SPAG1: variants seen among roughly 807,000 people sequenced by gnomAD.
The protein encoded by SPAG1 is sperm-associated antigen 1.
Under a neutral mutation model 100.5 loss-of-function variants are expected in SPAG1, and 69 were observed. That is an observed-to-expected ratio of 0.69 (90% CI 0.57 to 0.84). SPAG1 has a LOEUF of 0.84. SPAG1 is among the 40% of genes least tolerant of loss of function. The pLI, the probability that SPAG1 is intolerant of heterozygous loss-of-function variation, is 0.00. For missense variants in SPAG1, 955 were observed against 1,133.1 expected (o/e 0.84, Z 2.26); for synonymous variants, 336 against 411.6 (o/e 0.82, Z 2.22).
In SPAG1 at chr8:100,211,658, A is replaced by C. The variant is rs532279878; in HGVS notation, c.1097-1432A>C. Among the ~76,000 whole-genome samples the C allele has an allele frequency of 1.6e-4, 25 of 152,372 alleles. No individual in the cohort carries two copies. The Middle Eastern group carries it at 0.01, about 62-fold the overall frequency. ...GGCAATAGAGCAAGACCCTGTGTCA[A>C]AATAAATACAAACAAATAATAAAAA... On this transcript the variant is annotated intron_variant, in intron 10 of 18. Transcript: ENST00000388798.
intron 10 of SPAG1, among the ~76,000 whole-genome samples, chr8:100,209,768 C>T (rs1340999911): frequency 6.6e-6 from 1 of 151,650 alleles, no homozygotes; most frequent in Admixed American, 6.6e-5. Context: ...ATAATTGTTT[C>T]CTTGATTTCC....
At chr8:100,222,312 C>G (rs886447807) in intron 13 of SPAG1, among the ~76,000 whole-genome samples, 2 of 152,270 alleles carry the variant, frequency 1.3e-5, no homozygotes, top group Admixed American at 1.3e-4. Flanking sequence ...ATTGTTTTCA[C>G]GTTTGCTGTC....
chr8:100,233,175 G>A, intron 15 of SPAG1: 1 of 423,950 alleles, frequency 2.4e-6, no homozygotes, highest in Non-Finnish European at 4.4e-6. Flanking sequence ...GTGTTTGCTT[G>A]TTTTAATGGT....
At chr8:100,171,134 G>A (rs1489389146) in intron 3 of SPAG1, among the ~76,000 whole-genome samples, 4 of 152,066 alleles carry the variant, frequency 2.6e-5, no homozygotes, top group African/African-American at 9.7e-5. Context: ...CTGTTAATAA[G>A]GTAAATTATG....
intron 16 of SPAG1, among the ~76,000 whole-genome samples, chr8:100,235,122 G>C (rs898700629): frequency 2.6e-5 from 4 of 152,114 alleles, no homozygotes; most frequent in Admixed American, 6.5e-5. Flanking sequence ...TGTTAATAGG[G>C]GTGGTCTCTT....
At chr8:100,194,618 G>A (rs1586453546) in intron 10 of SPAG1, 1 of 417,960 alleles carries the variant, frequency 2.4e-6, no homozygotes, top group Non-Finnish European at 4.2e-6. Context: ...GCAAACAAAT[G>A]TGTTGGTTTC....
At position 100,177,086 on chromosome 8, in the gene SPAG1, TATC is replaced by T. The variant is rs1385459685; in HGVS notation, c.301-727_301-725del. ...CAAGCAATTCAGCTTTTTCTTGTAA[TATC>T]ATGTGTTCTCTCTGCTTCTTGGGAG... is the stretch of plus-strand genomic sequence containing the variant. On this transcript the variant is annotated intron_variant, in intron 3 of 18. Transcript: ENST00000388798. Among the ~76,000 whole-genome samples, 3 of 152,160 alleles carry T rather than the reference TATC, an allele frequency of 2.0e-5. No homozygotes were observed. The East Asian group carries it at 5.8e-4, about 29-fold the overall frequency.
Position 100,196,431 on chromosome 8 carries a change from G to A in SPAG1, c.1096+2163G>A, listed in dbSNP as rs118022028. Among the ~76,000 whole-genome samples the A allele has an allele frequency of 4.2e-3, 634 of 152,064 alleles. 7 individuals are homozygous for A. Among genetic ancestry groups the A allele is most frequent in the Non-Finnish European group, 4.8e-3 (325 of 67,972 alleles). ...TTACCCATTCTATTAGGTGTATAGT[G>A]GTTTCTCATCAGTTTTAATTTGCAT... is the stretch of plus-strand genomic sequence containing the variant. On this transcript the variant is annotated intron_variant, in intron 10 of 18. Transcript: ENST00000388798.
rs112903593 is a variant in SPAG1 at position 100,191,027 on chromosome 8, C to T, written c.833-363C>T. Among the ~76,000 whole-genome samples the T allele has an allele frequency of 2.0e-5, 3 of 152,036 alleles. 1 individual carries two copies. Among genetic ancestry groups the T allele is most frequent in the African/African-American group, 7.2e-5 (3 of 41,460 alleles). ...TTTCAAAAAGTGGCTAAATAATACT[C>T]GCCATAATTATAAAAAGGAAAGGAT... On this transcript the variant is annotated intron_variant, in intron 8 of 18. Transcript: ENST00000388798.
At chr8:100,161,910 G>A (rs1245802184) in intron 1 of SPAG1, among the ~76,000 whole-genome samples, 3 of 152,242 alleles carry the variant, frequency 2.0e-5, no homozygotes, top group African/African-American at 7.2e-5. Context: ...AGTTGGTCTG[G>A]TGATAATTTC....
chr8:100,178,559 T>C (rs375028964), intron 4 of SPAG1, among the ~76,000 whole-genome samples: 86 of 152,266 alleles, frequency 5.6e-4, no homozygotes, highest in African/African-American at 2.0e-3. Flanking sequence ...CTGGCATCCA[T>C]CTGACCTTGT....
chr8:100,161,072 G>A (rs1459680800), intron 1 of SPAG1, among the ~76,000 whole-genome samples: 1 of 152,156 alleles, frequency 6.6e-6, no homozygotes, highest in Non-Finnish European at 1.5e-5. Flanking sequence ...GGGCGTGATG[G>A]CTCACACCTG....
chr8:100,185,625 TAAC>T (rs1563781078), intron 7 of SPAG1, among the ~76,000 whole-genome samples: 1 of 152,236 alleles, frequency 6.6e-6, no homozygotes, highest in Non-Finnish European at 1.5e-5. Flanking sequence ...CTGAAGTTCT[TAAC>T]AGCCTATGAA....
At chr8:100,167,685 G>A (rs916720333) in intron 3 of SPAG1, among the ~76,000 whole-genome samples, 11 of 152,068 alleles carry the variant, frequency 7.2e-5, no homozygotes, top group African/African-American at 2.7e-4. Context: ...CTTTTAATCA[G>A]CTTTATTGAG....
intron 1 of SPAG1, among the ~76,000 whole-genome samples, chr8:100,160,454 C>T (rs927837811): frequency 1.3e-5 from 2 of 152,066 alleles, no homozygotes; most frequent in Admixed American, 1.3e-4. Flanking sequence ...TGGTGAAACC[C>T]CATCTCTACT....
intron 16 of SPAG1, among the ~76,000 whole-genome samples, chr8:100,235,611 G>A (rs1306002208): frequency 6.6e-6 from 1 of 152,094 alleles, no homozygotes; most frequent in Non-Finnish European, 1.5e-5. Context: ...TGACTGAAAG[G>A]GAACTATCTA....
At chr8:100,185,016 T>C (rs1387992178) in intron 7 of SPAG1, 4 of 291,312 alleles carry the variant, frequency 1.4e-5, no homozygotes, top group South Asian at 3.8e-5. Flanking sequence ...CCATATGATA[T>C]AGAAGTGAAT....
chr8:100,178,345 T>C (rs1316030032), intron 4 of SPAG1, among the ~76,000 whole-genome samples: 5 of 152,138 alleles, frequency 3.3e-5, no homozygotes, highest in Non-Finnish European at 5.9e-5. Context: ...ATTATGGATT[T>C]AAAACAGTAA....
chr8:100,180,002 G>A (rs1816295602), intron 4 of SPAG1, among the ~76,000 whole-genome samples: 1 of 152,210 alleles, frequency 6.6e-6, no homozygotes, highest in Admixed American at 6.5e-5. Flanking sequence ...CACAGTATTT[G>A]TTGCTAGTAA....
Sources: gnomAD v4.1 joint callset for allele counts (sites outside exome capture counted in the v4.1 genomes callset) on GRCh38, gnomAD v4.1.1 for gene constraint, MANE v1.5 for transcripts, NCBI Gene and HGNC (gene_info 2026-07-23, HGNC 2026-07-21) for gene names.